The following DNAH1 variants were observed in gnomAD, a reference collection of about 807,000 sequenced individuals.
The protein encoded by DNAH1 is axonemal beta dynein heavy chain 1.
Under a neutral mutation model 484.3 loss-of-function variants are expected in DNAH1, and 327 were observed. That is an observed-to-expected ratio of 0.68 (90% CI 0.62 to 0.74). The LOEUF is 0.74. DNAH1 is among the 30% of genes least tolerant of loss of function. The pLI is 0.00. For missense variants in DNAH1, 5,052 were observed against 5,546.8 expected (o/e 0.91, Z 2.83); for synonymous variants, 2,192 against 2,191.9 (o/e 1.00, Z 0.00).
At chr3:52,398,490 A>C (rs774097448) in intron 75 of DNAH1, among the ~76,000 whole-genome samples, 2 of 152,168 alleles carry the variant, frequency 1.3e-5, no homozygotes, top group African/African-American at 4.8e-5. Flanking sequence ...GGGTTTCACC[A>C]TGTTGGCCAG....
At chr3:52,344,976 T>C (rs1378476980) in intron 9 of DNAH1, among the ~76,000 whole-genome samples, 1 of 152,154 alleles carries the variant, frequency 6.6e-6, no homozygotes, top group Non-Finnish European at 1.5e-5. Context: ...CTTCCTCCAG[T>C]AGCAAGAGAG....
Position 52,392,453 on chromosome 3 carries a change from G to GC in DNAH1, c.10053-6dup. The GC allele has an allele frequency of 6.2e-7, 1 of 1,612,720 alleles. No individual in the cohort carries two copies. The highest frequency in any genetic ancestry group is 2.2e-5 in the East Asian group (1 of 44,882). On this transcript the variant is annotated splice_polypyrimidine_tract_variant and intron_variant, in intron 63 of 77. Transcript: ENST00000420323. ...AGGTATTACAGACTTGGTGTCCCCTGCCCCCGGCAGTGGCCTAGAGGACCA... is the reference window on the plus strand; with the variant it reads ...AGGTATTACAGACTTGGTGTCCCCTGCCCCCCGGCAGTGGCCTAGAGGACCA...
At chr3:52,322,819 T>C (rs1424343236) in intron 2 of DNAH1, 44 bp downstream of exon 2, 2 of 1,512,386 alleles carry the variant, frequency 1.3e-6, no homozygotes, top group Non-Finnish European at 1.8e-6. Context: ...ACCCTTCCTC[T>C]GGGCTCCGTT....
intron 5 of DNAH1, 147 bp downstream of exon 5, chr3:52,327,038 A>G (rs1459721392): frequency 8.6e-7 from 1 of 1,166,310 alleles, no homozygotes; most frequent in South Asian, 1.8e-5. Context: ...ATAGGAACCC[A>G]TCCCAGGTAC....
chr3:52,351,157 C>T (rs937360218), intron 16 of DNAH1, among the ~76,000 whole-genome samples: 9 of 152,236 alleles, frequency 5.9e-5, no homozygotes, highest in African/African-American at 1.2e-4. Context: ...GCCTGACACA[C>T]GTATTTTACT....
chr3:52,334,455 T>G (rs932483567), intron 8 of DNAH1, among the ~76,000 whole-genome samples: 1 of 152,168 alleles, frequency 6.6e-6, no homozygotes, highest in African/African-American at 2.4e-5. Flanking sequence ...CTACACTAAA[T>G]TTATTTTAAA....
At chr3:52,359,438 A>T in intron 26 of DNAH1, 52 bp downstream of exon 26, 1 of 1,548,676 alleles carries the variant, frequency 6.5e-7, no homozygotes, top group Non-Finnish European at 8.7e-7. Context: ...TACATGGCAC[A>T]GGAGGGCCCA....
Position 52,391,608 on chromosome 3 carries a change from G to GCCCC in DNAH1, c.10052+7_10052+10dup. ...CAACTTCACCCTGTCGCCCAGGTGA[G>GCCCC]CCCCCACTCTTGGGGACGCCCAAGC... On this transcript the variant is annotated splice_donor_region_variant and intron_variant, in intron 63 of 77. Coordinates refer to ENST00000420323, the MANE Select transcript of DNAH1 (RefSeq NM_015512.5). 1 of 1,613,510 alleles carries GCCCC rather than the reference G, an allele frequency of 6.2e-7. No homozygotes were observed. The highest frequency in any genetic ancestry group is 2.2e-5 in the East Asian group (1 of 44,870).
rs564143772 is a variant in DNAH1 at position 52,326,655 on chromosome 3, C to T, written c.582-80C>T. The T allele has an allele frequency of 1.8e-5, 27 of 1,505,194 alleles. No individual in the cohort carries two copies. In the African/African-American group the frequency reaches 3.2e-4, roughly 18 times the overall value. The allele number at this position is 1,505,194 out of a possible 1,614,324, so 93.2% of individuals were successfully genotyped here. The stretch of plus-strand genomic sequence containing the variant: ...CGGCCACACCCCTGTCCCCACAACC[C>T]CGTAGGCCCTTGTGGACACCCATGG... On this transcript the variant is annotated intron_variant, in intron 4 of 77. Coordinates refer to ENST00000420323, the MANE Select transcript of DNAH1 (RefSeq NM_015512.5).
chr3:52,357,440 AT>A, intron 22 of DNAH1, among the ~76,000 whole-genome samples, 173 bp from the exon 23 acceptor site: 1 of 151,808 alleles, frequency 6.6e-6, no homozygotes, highest in South Asian at 2.1e-4. Flanking sequence ...TGACCGTAGA[AT>A]TTTTTCTGTG....
At chr3:52,349,625 CG>C (rs1188818272) in intron 14 of DNAH1, among the ~76,000 whole-genome samples, 1 of 152,214 alleles carries the variant, frequency 6.6e-6, no homozygotes, top group Admixed American at 6.5e-5. Flanking sequence ...TCCCAGGAAA[CG>C]GGGGTTTCCA....
At chr3:52,383,170 C>T (rs562393645) in intron 50 of DNAH1, among the ~76,000 whole-genome samples, 1 of 152,322 alleles carries the variant, frequency 6.6e-6, no homozygotes, top group South Asian at 2.1e-4. Flanking sequence ...CAGTGTCCTG[C>T]CACAACCCAG....
Position 52,386,800 on chromosome 3 carries a change from G to C in DNAH1, c.8950G>C (p.Gly2984Arg), listed in dbSNP as rs1704132336. Reference protein sequence around the residue: ...KVDDYWEPGKGLLQDPGHFLE... With the variant: ...KVDDYWEPGKRLLQDPGHFLE... ...GGATGACTACTGGGAGCCTGGCAAG[G>C]GGCTGCTGCAGGACCCGGGCCACTT... is the stretch of plus-strand genomic sequence containing the variant. The change falls in exon 56 of 78, where the codon GGG (glycine) becomes CGG (arginine). Residue 2984 changes from glycine (G) to arginine (R), a missense_variant. Transcript: ENST00000420323. The C allele has an allele frequency of 2.5e-6, 4 of 1,592,892 alleles. No individual in the cohort carries two copies. The highest frequency in any genetic ancestry group is 3.4e-6 in the Non-Finnish European group (4 of 1,170,112).
chr3:52,348,891 G>A lies in DNAH1; in HGVS notation c.2110G>A (p.Val704Met), dbSNP rs1204125196. 6.2e-7 allele frequency: 1 copy of A among 1,612,542 alleles called. No individual in the cohort carries two copies. Among genetic ancestry groups the A allele is most frequent in the Non-Finnish European group, 8.5e-7 (1 of 1,179,724 alleles). Residue 704 changes from valine to methionine, a missense_variant, in exon 13 of 78, where the codon GTG becomes ATG. By Grantham distance (21) the Val-to-Met change is conservative. Transcript: ENST00000420323. ...GCCACATGCCTTCCCTCTGCAGCTGGTGATGGAGGACATCTTCATCAGCGG... is the reference window on the plus strand; with the variant it reads ...GCCACATGCCTTCCCTCTGCAGCTGATGATGGAGGACATCTTCATCAGCGG... ...THAVPQLEKL[V>M]MEDIFISGDP...
Position 52,326,883 on chromosome 3 carries a change from C to T in DNAH1, c.730C>T (p.Pro244Ser). ...TGACCCAATCTTCCCCATCTACCTC[C>T]CACTGAAGGTGAGCCGGGCTTCCAC... ...GHDPIFPIYL[P>S]LKVFDNEDFD... The change falls in exon 5 of 78, where the codon CCA becomes TCA. Residue 244 changes from proline (P) to serine (S), a missense_variant. Physicochemically the swap from Pro to Ser is moderately conservative, Grantham distance 74 (BLOSUM62 -1). Transcript: ENST00000420323. The T allele has an allele frequency of 6.2e-7, 1 of 1,612,390 alleles. No homozygotes were observed. Among genetic ancestry groups the T allele is most frequent in the Non-Finnish European group, 8.5e-7 (1 of 1,179,124 alleles).
At chr3:52,319,714 GTCTT>G (rs745393262) in intron 1 of DNAH1, among the ~76,000 whole-genome samples, 1 of 152,210 alleles carries the variant, frequency 6.6e-6, no homozygotes, top group African/African-American at 2.4e-5. Flanking sequence ...GGCAGACTGG[GTCTT>G]TCTTTCTGTC....
chr3:52,388,375 C>T (rs201634891), intron 57 of DNAH1, 41 bp downstream of exon 57: 70 of 1,600,536 alleles, frequency 4.4e-5, no homozygotes, highest in Non-Finnish European at 5.4e-5. Flanking sequence ...GCTCCCCTCC[C>T]GGGGGTACTT....
rs745631507 is a variant in DNAH1, at chr3:52,385,339, G to A, written c.8517G>A (p.Leu2839=). The part of the protein sequence containing the change: ...KNRMKSGLDK[L]LRTSEDVAKM... ...CCTGTCTCTGCCCTGACCCCTAGCTGCTGCGCACTTCTGAGGATGTAGCCA... is the reference window on the plus strand; with the variant it reads ...CCTGTCTCTGCCCTGACCCCTAGCTACTGCGCACTTCTGAGGATGTAGCCA... Residue 2839 remains leucine, a splice_region_variant and synonymous_variant, in exon 54 of 78, where the codon CTG becomes CTA. Coordinates refer to ENST00000420323, the MANE Select transcript of DNAH1 (RefSeq NM_015512.5). 8 of 1,552,120 alleles carry A rather than the reference G, an allele frequency of 5.2e-6. No homozygotes were observed. In the South Asian group the frequency reaches 9.5e-5, roughly 18 times the overall value.
At position 52,385,701 on chromosome 3, in the gene DNAH1, C is replaced by T. The variant is rs148958258; in HGVS notation, c.8625+254C>T. ...ATCTGAACGATTCCAATAACCACAACCCGGAGTCTGCCCAGCACAGGGCCC... is the reference window on the plus strand; with the variant it reads ...ATCTGAACGATTCCAATAACCACAATCCGGAGTCTGCCCAGCACAGGGCCC... On this transcript the variant is annotated intron_variant, in intron 54 of 77. Coordinates refer to ENST00000420323, the MANE Select transcript of DNAH1 (RefSeq NM_015512.5). 3.7e-4 allele frequency among the ~76,000 whole-genome samples: 56 copies of T among 152,366 alleles called. 2 individuals carry two copies. In the East Asian group the frequency reaches 0.011, roughly 29 times the overall value.
Sources: gnomAD v4.1 joint callset for allele counts (sites outside exome capture counted in the v4.1 genomes callset) on GRCh38, gnomAD v4.1.1 for gene constraint, MANE v1.5 for transcripts, NCBI Gene and HGNC (gene_info 2026-07-23, HGNC 2026-07-21) for gene names.